The following STARD6 variants were observed in gnomAD, a reference collection of about 807,000 sequenced individuals.
STARD6 encodes stAR-related lipid transfer protein 6.
STARD6 carries 21 observed loss-of-function variants against 22.3 expected under a neutral mutation model. That is an observed-to-expected ratio of 0.94 (90% CI 0.67 to 1.35). STARD6 has a LOEUF of 1.35. STARD6 is among the 40% of genes most tolerant of loss of function. STARD6 has a pLI of 0.00. For missense variants in STARD6, 269 were observed against 266.9 expected, an observed-to-expected ratio of 1.01 and a Z score of -0.05; for synonymous variants, 80 against 88.1, an observed-to-expected ratio of 0.91 and a Z score of 0.52.
chr18:54,353,294 C>T (rs774730105), intron 4 of STARD6, among the ~76,000 whole-genome samples: 5 of 152,020 alleles, frequency 3.3e-5, no homozygotes, highest in Admixed American at 6.6e-5. Flanking sequence ...ATATACTTTC[C>T]CTTAGTGTAC....
chr18:54,325,004 TA>T (rs1389818067), intron 7 of STARD6, 129 bp from the exon 8 acceptor site: 1 of 640,112 alleles, frequency 1.6e-6, no homozygotes, highest in Non-Finnish European at 2.3e-6. Flanking sequence ...TACTTAAAAA[TA>T]TTAAGTGGCT....
At chr18:54,330,271 T>C (rs969013421) in intron 6 of STARD6, among the ~76,000 whole-genome samples, 1 of 152,036 alleles carries the variant, frequency 6.6e-6, no homozygotes, top group African/African-American at 2.4e-5. Context: ...ATGACTTATA[T>C]CATTATCTTA....
intron 4 of STARD6, among the ~76,000 whole-genome samples, chr18:54,350,550 C>T (rs528984331): frequency 3.8e-4 from 58 of 152,258 alleles, no homozygotes; most frequent in African/African-American, 1.4e-3. Context: ...GTCATGAACT[C>T]TTTGCCTAAG....
chr18:54,351,196 T>C (rs747275269), intron 4 of STARD6, among the ~76,000 whole-genome samples: 30 of 152,160 alleles, frequency 2.0e-4, no homozygotes, highest in Non-Finnish European at 3.8e-4. Flanking sequence ...TCTCTCACCA[T>C]CTTGCTTAGA....
intron 4 of STARD6, among the ~76,000 whole-genome samples, chr18:54,349,264 G>T (rs1262329503): frequency 1.3e-5 from 2 of 152,104 alleles, no homozygotes; most frequent in African/African-American, 4.8e-5. Context: ...CTGAAGAGGA[G>T]ATAATGAAAC....
intron 7 of STARD6, among the ~76,000 whole-genome samples, chr18:54,326,471 A>T (rs147124299): frequency 0.021 from 3,238 of 151,656 alleles, 116 homozygotes; most frequent in African/African-American, 0.074. Context: ...AGCTGGGACT[A>T]CAGGCCTGTG....
At chr18:54,355,617 G>A (rs1008358054) in intron 2 of STARD6, among the ~76,000 whole-genome samples, 2 of 152,158 alleles carry the variant, frequency 1.3e-5, no homozygotes, top group Non-Finnish European at 2.9e-5. Context: ...CTGGCACCCA[G>A]ATCTCAGACT....
At chr18:54,351,246 AG>A (rs898899986) in intron 4 of STARD6, among the ~76,000 whole-genome samples, 5 of 152,116 alleles carry the variant, frequency 3.3e-5, no homozygotes, top group African/African-American at 1.2e-4. Flanking sequence ...TGGTTGAAAA[AG>A]GGGTTGAATT....
At chr18:54,347,887 T>C (rs12955751) in intron 4 of STARD6, among the ~76,000 whole-genome samples, 1 of 152,116 alleles carries the variant, frequency 6.6e-6, no homozygotes, top group Non-Finnish European at 1.5e-5. Flanking sequence ...TCTTGAATTG[T>C]AGCTCTCATA....
chr18:54,327,967 T>G (rs1336844126), intron 7 of STARD6, among the ~76,000 whole-genome samples: 3 of 152,176 alleles, frequency 2.0e-5, no homozygotes, highest in East Asian at 1.9e-4. Context: ...CTGAGTAATG[T>G]GATGAAATCT....
At chr18:54,338,094 T>C (rs1226413150) in intron 4 of STARD6, among the ~76,000 whole-genome samples, 1 of 152,180 alleles carries the variant, frequency 6.6e-6, no homozygotes, top group Non-Finnish European at 1.5e-5. Context: ...CACATTCAGA[T>C]TGATTAGCAA....
At chr18:54,331,285 T>C (rs1049841536) in intron 6 of STARD6, among the ~76,000 whole-genome samples, 4 of 152,110 alleles carry the variant, frequency 2.6e-5, no homozygotes, top group African/African-American at 9.7e-5. Flanking sequence ...GGAGTGGGGA[T>C]AGGGATACAT....
At chr18:54,353,978 A>G in intron 4 of STARD6, 76 bp downstream of exon 4, 4 of 822,222 alleles carry the variant, frequency 4.9e-6, no homozygotes, top group Non-Finnish European at 7.8e-6. Context: ...ATAGCTAATG[A>G]AGCAGCACTG....
At chr18:54,354,719 G>T in intron 2 of STARD6, 142 bp from the exon 3 acceptor site, 1 of 603,296 alleles carries the variant, frequency 1.7e-6, no homozygotes, top group Non-Finnish European at 2.9e-6. Context: ...ATGTATGCAT[G>T]AACCCCTCTC....
At chr18:54,335,323 T>C (rs991520581) in intron 5 of STARD6, among the ~76,000 whole-genome samples, 1 of 151,882 alleles carries the variant, frequency 6.6e-6, no homozygotes, top group Admixed American at 6.6e-5. Flanking sequence ...GCCTCCCGAG[T>C]AGCTGGGGTC....
chr18:54,333,915 G>GA (rs1385942965), intron 5 of STARD6, among the ~76,000 whole-genome samples: 1 of 152,164 alleles, frequency 6.6e-6, no homozygotes, highest in African/African-American at 2.4e-5. Flanking sequence ...AATCATTTGT[G>GA]AAAATCATAA....
intron 6 of STARD6, 74 bp downstream of exon 6, chr18:54,331,668 G>T: frequency 2.1e-6 from 2 of 957,172 alleles, no homozygotes; most frequent in South Asian, 3.5e-5. Context: ...TTTCTTTGAA[G>T]CTGTGAATAA....
intron 3 of STARD6, 46 bp from the exon 4 acceptor site, chr18:54,354,149 G>A: frequency 2.4e-6 from 3 of 1,258,118 alleles, no homozygotes; most frequent in South Asian, 1.5e-5. Context: ...GTCAAATGCA[G>A]GAAAAATGAA....
chr18:54,326,434 C>T (rs12969609), intron 7 of STARD6, among the ~76,000 whole-genome samples: 43 of 150,380 alleles, frequency 2.9e-4, no homozygotes, highest in South Asian at 8.4e-4. Context: ...CGGGTTCAAA[C>T]GATTCTCCTG....
Sources: gnomAD v4.1 joint callset for allele counts (sites outside exome capture counted in the v4.1 genomes callset) on GRCh38, gnomAD v4.1.1 for gene constraint, MANE v1.5 for transcripts, NCBI Gene and HGNC (gene_info 2026-07-23, HGNC 2026-07-21) for gene names.